GLI2: variants seen among roughly 807,000 people sequenced by gnomAD.
GLI2 encodes the protein transcription activator GLI2.
In GLI2, 22 loss-of-function variants were observed where a neutral mutation model predicts 78.9. The observed-to-expected ratio is 0.28, with a 90% CI of 0.20 to 0.40. The LOEUF (loss-of-function observed/expected upper bound fraction) is 0.40. Among genes scored for constraint, GLI2 ranks in the 10% least tolerant of loss-of-function variants. GLI2 has a pLI of 1.00. For synonymous variants in GLI2, 974 were observed against 963.7 expected, an observed-to-expected ratio of 1.01 and a Z score of -0.20; for missense variants, 2,097 against 2,213.2, an observed-to-expected ratio of 0.95 and a Z score of 1.05.
chr2:120,758,278 C>T (rs569748671), intron 1 of GLI2, among the ~76,000 whole-genome samples: 5 of 152,358 alleles, frequency 3.3e-5, no homozygotes, highest in African/African-American at 1.2e-4. Flanking sequence ...TTTCTGAGGG[C>T]TTTGTGCACA....
At chr2:120,783,824 A>G (rs1271458464) in intron 1 of GLI2, among the ~76,000 whole-genome samples, 5 of 152,210 alleles carry the variant, frequency 3.3e-5, no homozygotes, top group African/African-American at 9.6e-5. Flanking sequence ...ATCTTATTCC[A>G]GGGCAGTTTG....
chr2:120,804,006 C>A (rs1456030372), intron 2 of GLI2, among the ~76,000 whole-genome samples: 1 of 152,094 alleles, frequency 6.6e-6, no homozygotes, highest in African/African-American at 2.4e-5. Context: ...TTCCAGGAGG[C>A]GTGTGTGCTA....
At position 120,772,503 on chromosome 2, in the gene GLI2, A is replaced by G. The variant is rs115973699; in HGVS notation, c.-30-24788A>G. The stretch of plus-strand genomic sequence containing the variant: ...TCATCAATGGCAGAGGGAATGTTTT[A>G]ACTCTGAGTCCCCAGGAGCACCCCG... On this transcript the variant is annotated intron_variant, in intron 1 of 13. Transcript: ENST00000361492. 8.0e-3 allele frequency among the ~76,000 whole-genome samples: 1,221 copies of G among 152,256 alleles called. 22 individuals are homozygous for G. Among genetic ancestry groups the G allele is most frequent in the African/African-American group, 0.027 (1,116 of 41,540 alleles).
rs961081168 is a variant in GLI2 at position 120,737,357 on chromosome 2, A to G, written c.-31+1072A>G. On this transcript the variant is annotated intron_variant, in intron 1 of 13. Transcript: ENST00000361492. This position sits in a 1 kb window ranked among gnomAD's most constrained non-coding sequence, Gnocchi z 4.3. ...TTACCGCGCGGGGAGCTGGGGATGG[A>G]GCCCGTGCGCCTCACCCTGGGTGAT... 2.0e-5 allele frequency among the ~76,000 whole-genome samples: 3 copies of G among 151,832 alleles called. No individual in the cohort carries two copies. The highest frequency in any genetic ancestry group is 2.0e-4 in the Admixed American group (3 of 15,266).
Position 120,755,598 on chromosome 2 carries a change from G to C in GLI2, c.-31+19313G>C, listed in dbSNP as rs188776337. On this transcript the variant is annotated intron_variant, in intron 1 of 13. Coordinates refer to ENST00000361492, the MANE Select transcript of GLI2 (RefSeq NM_001374353.1). The stretch of plus-strand genomic sequence containing the variant: ...AGGATTTTAGTTTTGATGAACTCCA[G>C]TTTGTCAAATTTTTCTTGTATATAT... Among the ~76,000 whole-genome samples, 1,051 of 152,118 alleles carry C rather than the reference G, an allele frequency of 6.9e-3. 11 individuals carry two copies. Among genetic ancestry groups the C allele is most frequent in the African/African-American group, 0.023 (941 of 41,532 alleles).
chr2:120,804,679 C>T (rs1010787206), intron 2 of GLI2, among the ~76,000 whole-genome samples: 3 of 152,240 alleles, frequency 2.0e-5, no homozygotes, highest in Admixed American at 2.0e-4. Flanking sequence ...TATGGCCCAG[C>T]CATCCAGAAC....
chr2:120,827,173 A>C (rs994788080), intron 2 of GLI2, among the ~76,000 whole-genome samples: 2 of 152,142 alleles, frequency 1.3e-5, no homozygotes, highest in Non-Finnish European at 2.9e-5. Context: ...ACATATGACT[A>C]TGTTGCCCAG....
chr2:120,911,663 C>T (rs1314442262), intron 2 of GLI2, among the ~76,000 whole-genome samples: 2 of 152,182 alleles, frequency 1.3e-5, no homozygotes, highest in African/African-American at 2.4e-5. Flanking sequence ...CCATGCCACT[C>T]GCTGGGCTGG....
At chr2:120,925,018 G>A (rs1273312080) in intron 2 of GLI2, among the ~76,000 whole-genome samples, 15 of 152,246 alleles carry the variant, frequency 9.9e-5, no homozygotes, top group Non-Finnish European at 1.9e-4. Flanking sequence ...CAAAAGTCAT[G>A]CAGCAGGTGA....
intron 2 of GLI2, among the ~76,000 whole-genome samples, chr2:120,799,525 G>A (rs1197606472): frequency 2.0e-5 from 3 of 152,222 alleles, no homozygotes; most frequent in African/African-American, 7.2e-5. Flanking sequence ...TGGAGTCAGG[G>A]GAGAGCAGCT....
intron 1 of GLI2, among the ~76,000 whole-genome samples, chr2:120,768,855 C>T (rs760136364): frequency 4.0e-5 from 6 of 151,868 alleles, no homozygotes; most frequent in East Asian, 1.9e-4. Context: ...TGCCCCACTC[C>T]GCCCCACCAG....
chr2:120,951,609 G>A (rs150222823), intron 4 of GLI2, 164 bp downstream of exon 4: 4 of 582,478 alleles, frequency 6.9e-6, no homozygotes, highest in African/African-American at 5.6e-5. Flanking sequence ...AAGTTTTTGG[G>A]TTTTATGCTC....
At chr2:120,869,928 G>T (rs1438455372) in intron 2 of GLI2, among the ~76,000 whole-genome samples, 1 of 152,128 alleles carries the variant, frequency 6.6e-6, no homozygotes, top group African/African-American at 2.4e-5. Context: ...TCTGCAGGGT[G>T]CTGCAGAGCT....
At chr2:120,804,031 C>T (rs1263559214) in intron 2 of GLI2, among the ~76,000 whole-genome samples, 5 of 152,198 alleles carry the variant, frequency 3.3e-5, no homozygotes, top group African/African-American at 1.2e-4. Flanking sequence ...CTCATACTGA[C>T]AGCCCTCCTA....
chr2:120,766,565 G>C (rs1683373424), intron 1 of GLI2, among the ~76,000 whole-genome samples: 1 of 152,256 alleles, frequency 6.6e-6, no homozygotes, highest in African/African-American at 2.4e-5. Flanking sequence ...CTGAGGTTCT[G>C]TGTTCACCAG....
intron 2 of GLI2, among the ~76,000 whole-genome samples, chr2:120,917,308 C>G (rs1288092381): frequency 6.6e-6 from 1 of 152,278 alleles, no homozygotes; most frequent in Non-Finnish European, 1.5e-5. Flanking sequence ...CTCTCACTTT[C>G]TTTCTCTCTG....
At chr2:120,888,861 C>A (rs1677542832) in intron 2 of GLI2, among the ~76,000 whole-genome samples, 1 of 152,206 alleles carries the variant, frequency 6.6e-6, no homozygotes, top group Non-Finnish European at 1.5e-5. Flanking sequence ...CCCAACACTT[C>A]AAAGGCTTAT....
intron 2 of GLI2, among the ~76,000 whole-genome samples, chr2:120,911,395 C>T (rs183256440): frequency 6.6e-6 from 1 of 152,330 alleles, no homozygotes; most frequent in African/African-American, 2.4e-5. Context: ...AAGCCCTGTG[C>T]ACTGGCTGTT....
intron 2 of GLI2, among the ~76,000 whole-genome samples, chr2:120,900,008 G>A (rs1334104264): frequency 6.6e-6 from 1 of 152,226 alleles, no homozygotes; most frequent in African/African-American, 2.4e-5. Context: ...TGCGTCTCTA[G>A]CAGGCTCCCA....
Sources: gnomAD v4.1 joint callset for allele counts (sites outside exome capture counted in the v4.1 genomes callset) on GRCh38, gnomAD v4.1.1 for gene constraint, Gnocchi (gnomAD v3.1) non-coding constraint, MANE v1.5 for transcripts, NCBI Gene and HGNC (gene_info 2026-07-23, HGNC 2026-07-21) for gene names.